Variants in DRD3 observed in about 807,000 individuals in gnomAD.
DRD3 encodes D(3) dopamine receptor.
A neutral mutation model predicts 36.3 loss-of-function variants in DRD3; 19 were observed. The ratio of observed to expected loss-of-function variants is 0.52; its 90% confidence interval spans 0.36 to 0.77. The LOEUF is 0.77. Among genes scored for constraint, DRD3 ranks in the 30% least tolerant of loss-of-function variants. The pLI is 0.00. For synonymous variants in DRD3, 195 were observed against 203.7 expected, an observed-to-expected ratio of 0.96 and a Z score of 0.36; for missense variants, 465 against 505.3, an observed-to-expected ratio of 0.92 and a Z score of 0.77.
intron 3 of DRD3, among the ~76,000 whole-genome samples, chr3:114,159,093 C>T (rs1275806088): frequency 2.0e-5 from 3 of 151,990 alleles, no homozygotes; most frequent in Non-Finnish European, 4.4e-5. Context: ...AGTCCAGGTG[C>T]TCTCAGGGAT....
At chr3:114,152,641 C>T (rs895380897) in intron 3 of DRD3, among the ~76,000 whole-genome samples, 14 of 152,222 alleles carry the variant, frequency 9.2e-5, no homozygotes, top group Non-Finnish European at 2.1e-4. Context: ...TCTGCCAGCA[C>T]GGCTGGGGTG....
At chr3:114,139,339 T>C (rs2077503084) in intron 5 of DRD3, among the ~76,000 whole-genome samples, 161 bp downstream of exon 5, 1 of 152,206 alleles carries the variant, frequency 6.6e-6, no homozygotes, top group African/African-American at 2.4e-5. Context: ...GAGATTGGAT[T>C]TCCTACCTTC....
intron 3 of DRD3, among the ~76,000 whole-genome samples, chr3:114,148,573 A>G (rs976390835): frequency 6.6e-6 from 1 of 152,002 alleles, no homozygotes; most frequent in Non-Finnish European, 1.5e-5. Flanking sequence ...ACTCAAACTC[A>G]AGATGTCTAA....
At chr3:114,197,276 A>ATTT (rs2078042641) in intron 1 of DRD3, among the ~76,000 whole-genome samples, 3 of 131,644 alleles carry the variant, frequency 2.3e-5, no homozygotes, top group Admixed American at 8.1e-5. Flanking sequence ...TAATTAAAAA[A>ATTT]ATTTTTTTTT....
At chr3:114,162,931 T>C (rs1002441463) in intron 2 of DRD3, among the ~76,000 whole-genome samples, 5 of 152,170 alleles carry the variant, frequency 3.3e-5, no homozygotes, top group Non-Finnish European at 5.9e-5. Context: ...CAAAGAATAG[T>C]GCAAGAGACA....
Position 114,162,629 on chromosome 3 carries a change from A to T in DRD3, c.271-2762T>A, listed in dbSNP as rs1290663646. Among the ~76,000 whole-genome samples, 3 of 152,248 alleles carry T rather than the reference A, an allele frequency of 2.0e-5. No homozygotes were observed. The South Asian group carries it at 6.2e-4, about 31-fold the overall frequency. On this transcript the variant is annotated intron_variant, in intron 2 of 6. Transcript: ENST00000383673. Reference sequence around the variant, plus strand: ...GCCGATTATAATTCTATGACAGAGGATTATTATCTTCATTGCAGAGGAAGA... The same window carrying T: ...GCCGATTATAATTCTATGACAGAGGTTTATTATCTTCATTGCAGAGGAAGA...
intron 4 of DRD3, among the ~76,000 whole-genome samples, chr3:114,144,399 G>GA (rs1172775760): frequency 1.3e-5 from 2 of 152,162 alleles, no homozygotes; most frequent in African/African-American, 2.4e-5. Context: ...AGAAGGTGTA[G>GA]AAAAAATGAC....
chr3:114,167,299 A>T (rs1231121993), intron 2 of DRD3, among the ~76,000 whole-genome samples: 1 of 152,202 alleles, frequency 6.6e-6, no homozygotes, highest in Non-Finnish European at 1.5e-5. Flanking sequence ...AGTGTTTTAA[A>T]CATCACAAAA....
chr3:114,144,132 C>G (rs1466266867), intron 4 of DRD3, among the ~76,000 whole-genome samples: 1 of 152,198 alleles, frequency 6.6e-6, no homozygotes, highest in Non-Finnish European at 1.5e-5. Context: ...TCGGAACTCT[C>G]TCACCCAAAA....
chr3:114,139,710 G>C lies in DRD3; in HGVS notation c.527-14C>G. The C allele has an allele frequency of 1.2e-6, 2 of 1,612,778 alleles. No individual in the cohort carries two copies. The highest frequency in any genetic ancestry group is 1.7e-6 in the Non-Finnish European group (2 of 1,179,130). On this transcript the variant is annotated splice_polypyrimidine_tract_variant and intron_variant, in intron 4 of 6. Coordinates refer to ENST00000383673, the MANE Select transcript of DRD3 (RefSeq NM_000796.6). ...CAGTGGGGTCCCCTGTGGATGAGAAGGGGGAAGGTAAAGCAGTTAGCAAGT... is the reference window on the plus strand; with the variant it reads ...CAGTGGGGTCCCCTGTGGATGAGAACGGGGAAGGTAAAGCAGTTAGCAAGT...
intron 6 of DRD3, among the ~76,000 whole-genome samples, chr3:114,130,151 C>T (rs970290162): frequency 4.6e-5 from 7 of 152,018 alleles, no homozygotes; most frequent in African/African-American, 1.4e-4. Flanking sequence ...TCTAGCTACT[C>T]GGGAGGCTCA....
At chr3:114,159,034 A>G (rs1326426350) in intron 3 of DRD3, among the ~76,000 whole-genome samples, 1 of 152,094 alleles carries the variant, frequency 6.6e-6, no homozygotes, top group Non-Finnish European at 1.5e-5. Flanking sequence ...AGAGGAAGAC[A>G]AAAGGAGAGG....
intron 1 of DRD3, among the ~76,000 whole-genome samples, chr3:114,173,060 A>G (rs1362541918): frequency 6.6e-6 from 1 of 152,060 alleles, no homozygotes; most frequent in Non-Finnish European, 1.5e-5. Flanking sequence ...TGATTAGGTT[A>G]TGAGGACAGA....
intron 1 of DRD3, among the ~76,000 whole-genome samples, chr3:114,186,899 C>T (rs1376242151): frequency 6.6e-6 from 1 of 152,118 alleles, no homozygotes; most frequent in Admixed American, 6.5e-5. Flanking sequence ...TTAGTGCTCC[C>T]CCTGGAAATC....
chr3:114,177,866 T>C (rs545115314), intron 1 of DRD3, among the ~76,000 whole-genome samples: 77 of 152,334 alleles, frequency 5.1e-4, no homozygotes, highest in African/African-American at 1.8e-3. Flanking sequence ...TAAGGACAGA[T>C]ATTTTACAGA....
chr3:114,164,722 C>T (rs1482908270), intron 2 of DRD3, among the ~76,000 whole-genome samples: 1 of 152,114 alleles, frequency 6.6e-6, no homozygotes, highest in Non-Finnish European at 1.5e-5. Context: ...TCATGATCCC[C>T]TTCTCAGAAG....
At chr3:114,145,294 A>T (rs1337481321) in intron 4 of DRD3, among the ~76,000 whole-genome samples, 1 of 152,252 alleles carries the variant, frequency 6.6e-6, no homozygotes, top group African/African-American at 2.4e-5. Context: ...CACATTTAGC[A>T]TTCACGAAAA....
chr3:114,197,808 C>T (rs1015476873), intron 1 of DRD3, among the ~76,000 whole-genome samples: 1 of 152,112 alleles, frequency 6.6e-6, no homozygotes, highest in Non-Finnish European at 1.5e-5. Flanking sequence ...ATTTGTCTAT[C>T]TTGACACCAA....
At chr3:114,191,654 A>G (rs1394602545) in intron 1 of DRD3, among the ~76,000 whole-genome samples, 1 of 152,198 alleles carries the variant, frequency 6.6e-6, no homozygotes, top group East Asian at 1.9e-4. Context: ...GGAGGCTGTT[A>G]CGGTAACTCA....
Sources: gnomAD v4.1 joint callset for allele counts (sites outside exome capture counted in the v4.1 genomes callset) on GRCh38, gnomAD v4.1.1 for gene constraint, MANE v1.5 for transcripts, NCBI Gene and HGNC (gene_info 2026-07-23, HGNC 2026-07-21) for gene names.